SDR16C5: variants seen among roughly 807,000 people sequenced by gnomAD.
The protein encoded by SDR16C5 is epidermal retinol dehydrogenase 2.
Under a neutral mutation model 27.7 loss-of-function variants are expected in SDR16C5, and 20 were observed. That is an observed-to-expected ratio of 0.72 (90% CI 0.51 to 1.05). The LOEUF is 1.05. Among genes scored for constraint, SDR16C5 ranks in the 50% least tolerant of loss-of-function variants. SDR16C5 has a pLI of 0.00. For missense variants in SDR16C5, 374 were observed against 366.3 expected (o/e 1.02, Z -0.17); for synonymous variants, 139 against 132.3 (o/e 1.05, Z -0.35).
chr8:56,319,566 T>C (rs1815282038), intron 1 of SDR16C5, among the ~76,000 whole-genome samples: 1 of 152,182 alleles, frequency 6.6e-6, no homozygotes, highest in South Asian at 2.1e-4. Context: ...CGCCCTCGGC[T>C]TCCCATACCA....
intron 1 of SDR16C5, among the ~76,000 whole-genome samples, chr8:56,317,415 C>T (rs1359494283): frequency 6.6e-6 from 1 of 152,172 alleles, no homozygotes; most frequent in African/African-American, 2.4e-5. Context: ...GCTTTACTAA[C>T]CACTAGCTGA....
At chr8:56,306,116 C>A (rs919882810) in intron 5 of SDR16C5, among the ~76,000 whole-genome samples, 1 of 152,102 alleles carries the variant, frequency 6.6e-6, no homozygotes, top group Non-Finnish European at 1.5e-5. Flanking sequence ...ATGTTGAAGC[C>A]TAAACTCCCA....
At position 56,300,825 on chromosome 8, in the gene SDR16C5, G is replaced by A. The variant is rs906750657; in HGVS notation, c.*655C>T. On this transcript the variant is annotated 3_prime_UTR_variant, in exon 7 of 7. Coordinates refer to ENST00000303749, the MANE Select transcript of SDR16C5 (RefSeq NM_138969.4). ...TTTAAGAGTTTGGTCTAGGATCACT[G>A]CCTATGAGGGGGCTTCAGGGAATGC... 1 of 152,262 alleles carries A rather than the reference G, an allele frequency of 6.6e-6. No individual in the cohort carries two copies. The highest frequency in any genetic ancestry group is 1.5e-5 in the Non-Finnish European group (1 of 68,068). 9.4% of individuals were successfully genotyped at this position (152,262 alleles called of 1,614,324 possible). A position where few individuals can be genotyped will look rare whatever the true frequency, so the allele number is the denominator to read the frequency against.
intron 3 of SDR16C5, among the ~76,000 whole-genome samples, chr8:56,310,621 G>C (rs1258602541): frequency 1.3e-5 from 2 of 151,916 alleles, no homozygotes; most frequent in Admixed American, 6.6e-5. Flanking sequence ...GGGAGGCTGA[G>C]GTAGGAGAAT....
At chr8:56,313,067 C>G (rs181695822) in intron 2 of SDR16C5, among the ~76,000 whole-genome samples, 1 of 152,144 alleles carries the variant, frequency 6.6e-6, no homozygotes, top group Admixed American at 6.5e-5. Flanking sequence ...TGAGCCACTG[C>G]GCCTGACCTC....
chr8:56,301,758 G>T (rs12679962), intron 6 of SDR16C5, among the ~76,000 whole-genome samples, 185 bp from the exon 7 acceptor site: 27,442 of 152,062 alleles, frequency 0.18, 2,624 homozygotes, highest in African/African-American at 0.25. Flanking sequence ...GGGGACACTC[G>T]CCCAGGGCCT....
intron 5 of SDR16C5, 134 bp downstream of exon 5, chr8:56,306,542 G>A (rs1027065516): frequency 2.3e-6 from 2 of 857,882 alleles, no homozygotes; most frequent in Non-Finnish European, 3.4e-6. Flanking sequence ...AAGAAAGACA[G>A]AATTCTAAAA....
At chr8:56,303,244 G>T (rs1814803151) in intron 6 of SDR16C5, among the ~76,000 whole-genome samples, 1 of 151,538 alleles carries the variant, frequency 6.6e-6, no homozygotes, top group Non-Finnish European at 1.5e-5. Context: ...AACCAGGGAA[G>T]GCGGGGGTTG....
At position 56,316,121 on chromosome 8, in the gene SDR16C5, C is replaced by A. The variant is rs866265765; in HGVS notation, c.227G>T (p.Gly76Val). ...AGCCATCTTACATGTTTCCTCATTC[C>A]CCTCCTTATTGATATCCCAGAGAAC... The part of the protein sequence containing the change: ...VLVLWDINKE[G>V]NEETCKMARE... The change falls in exon 2 of 7, where the codon GGG (glycine) becomes GTG (valine). Residue 76 changes from glycine (G) to valine (V), a missense_variant. Gly to Val is a moderately radical substitution (Grantham distance 109). Transcript: ENST00000303749. 10 of 1,613,924 alleles carry A rather than the reference C, an allele frequency of 6.2e-6. No individual in the cohort carries two copies. The highest frequency in any genetic ancestry group is 8.5e-6 in the Non-Finnish European group (10 of 1,179,968).
intron 3 of SDR16C5, among the ~76,000 whole-genome samples, chr8:56,310,328 G>A (rs1815012435): frequency 9.1e-6 from 1 of 109,894 alleles, no homozygotes; most frequent in African/African-American, 3.6e-5. Context: ...GAGGAAGGAG[G>A]AGGAGGAGGA....
At chr8:56,316,878 A>C (rs1815212971) in intron 1 of SDR16C5, among the ~76,000 whole-genome samples, 2 of 152,214 alleles carry the variant, frequency 1.3e-5, no homozygotes. Context: ...ATTTGAGAGG[A>C]AAATGTAAAG....
rs1177923585 is a variant in SDR16C5, at chr8:56,316,288, A to G, written c.60T>C (p.Phe20=). ...KLFIFLGKSL[F]SLLEAMIFAL... is the part of the protein sequence containing the mutation. ...CAAAAATCATAGCCTCCAGAAGACT[A>G]AACAGTGATTTTCCTAAGAAAATGA... is the stretch of plus-strand genomic sequence containing the variant. The change falls in exon 2 of 7, where the codon TTT becomes TTC. Residue 20 remains phenylalanine, a synonymous_variant. Transcript: ENST00000303749. 1 of 1,613,960 alleles carries G rather than the reference A, an allele frequency of 6.2e-7. No individual in the cohort carries two copies.
chr8:56,319,166 T>C (rs901891460), intron 1 of SDR16C5, among the ~76,000 whole-genome samples: 1 of 149,038 alleles, frequency 6.7e-6, no homozygotes, highest in Non-Finnish European at 1.5e-5. Flanking sequence ...CAAAGTCCTC[T>C]GCGGGGTGCA....
intron 6 of SDR16C5, among the ~76,000 whole-genome samples, chr8:56,302,308 C>T (rs540374317): frequency 1.3e-5 from 2 of 152,212 alleles, no homozygotes; most frequent in Admixed American, 6.5e-5. Flanking sequence ...ATCCCTCCCA[C>T]AGCTTCAAGT....
At chr8:56,303,167 A>T (rs936517016) in intron 6 of SDR16C5, among the ~76,000 whole-genome samples, 4 of 152,004 alleles carry the variant, frequency 2.6e-5, no homozygotes, top group Non-Finnish European at 5.9e-5. Context: ...TACAAAAATT[A>T]GCCAGGCATG....
intron 2 of SDR16C5, among the ~76,000 whole-genome samples, chr8:56,315,467 T>C (rs545732054): frequency 1.3e-5 from 2 of 152,316 alleles, no homozygotes; most frequent in East Asian, 3.9e-4. Flanking sequence ...CGTAGGGTAC[T>C]GTGGTGGAGT....
chr8:56,306,338 A>T (rs1432150377), intron 5 of SDR16C5, among the ~76,000 whole-genome samples: 1 of 152,180 alleles, frequency 6.6e-6, no homozygotes, highest in Non-Finnish European at 1.5e-5. Flanking sequence ...TATGACCAAG[A>T]CAATGTCTCT....
chr8:56,303,916 A>G, intron 6 of SDR16C5: 1 of 701,396 alleles, frequency 1.4e-6, no homozygotes, highest in East Asian at 2.7e-5. Flanking sequence ...TGTCTCTACA[A>G]TGTAAATGAA....
Position 56,308,976 on chromosome 8 carries a change from C to T in SDR16C5, c.517G>A (p.Val173Ile), listed in dbSNP as rs1488869570. Reference sequence around the variant, plus strand: ...AATCCAGCTGAACTTGAAATGCAAACCAAATGTCCATGGTCATTAGCAATC... The same window carrying T: ...AATCCAGCTGAACTTGAAATGCAAATCAAATGTCCATGGTCATTAGCAATC... Reference protein sequence around the residue: ...AMIANDHGHLVCISSSAGLSG... With the variant: ...AMIANDHGHLICISSSAGLSG... Residue 173 changes from valine (V) to isoleucine (I), a missense_variant, in exon 4 of 7, where the codon GTT becomes ATT. By Grantham distance (29) the Val-to-Ile change is conservative. Transcript: ENST00000303749. 1.9e-6 allele frequency: 3 copies of T among 1,612,808 alleles called. No homozygotes were observed. The highest frequency in any genetic ancestry group is 2.5e-6 in the Non-Finnish European group (3 of 1,179,438).
Sources: gnomAD v4.1 joint callset for allele counts (sites outside exome capture counted in the v4.1 genomes callset) on GRCh38, gnomAD v4.1.1 for gene constraint, MANE v1.5 for transcripts, NCBI Gene and HGNC (gene_info 2026-07-23, HGNC 2026-07-21) for gene names.